Variants in AADACL4 observed in about 807,000 individuals in gnomAD.
The protein encoded by AADACL4 is arylacetamide deacetylase like 4.
AADACL4 carries 9 observed loss-of-function variants against 14.1 expected under a neutral mutation model. That is an observed-to-expected ratio of 0.64 (90% confidence interval 0.39 to 1.12). The LOEUF (loss-of-function observed/expected upper bound fraction) is 1.12. AADACL4 is among the 50% of genes most tolerant of loss of function. AADACL4 has a pLI of 0.01. For synonymous variants in AADACL4, 188 were observed against 201.6 expected, an observed-to-expected ratio of 0.93 and a Z score of 0.57; for missense variants, 531 against 516.1, an observed-to-expected ratio of 1.03 and a Z score of -0.28.
intron 2 of AADACL4, among the ~76,000 whole-genome samples, chr1:12,653,476 C>A (rs183257806): frequency 6.6e-6 from 1 of 152,180 alleles, no homozygotes; most frequent in Non-Finnish European, 1.5e-5. Flanking sequence ...AATTATACAG[C>A]CGGATAGCCT....
At chr1:12,663,448 C>T (rs901862640) in intron 3 of AADACL4, among the ~76,000 whole-genome samples, 2 of 152,102 alleles carry the variant, frequency 1.3e-5, no homozygotes, top group Admixed American at 6.5e-5. Flanking sequence ...CTAATGCCTC[C>T]TTCATAAGGG....
Position 12,651,105 on chromosome 1 carries a change from T to C in AADACL4, c.169-18T>C. 6.2e-7 allele frequency: 1 copy of C among 1,611,164 alleles called. No individual in the cohort carries two copies. The highest frequency in any genetic ancestry group is 2.2e-5 in the East Asian group (1 of 44,864). ...TAACCTCTCCTAACGTCTGGCTTTC[T>C]TTTGTTACCTCCAACAGGGGAATAT... On this transcript the variant is annotated intron_variant, in intron 1 of 3. Transcript: ENST00000376221.
chr1:12,653,385 C>T (rs1418608531), intron 2 of AADACL4, among the ~76,000 whole-genome samples: 1 of 152,144 alleles, frequency 6.6e-6, no homozygotes, highest in African/African-American at 2.4e-5. Context: ...ATTGGAGGAC[C>T]CAGGAAAGGT....
chr1:12,651,404 C>G (rs549187786), intron 2 of AADACL4, 65 bp downstream of exon 2: 18 of 1,527,186 alleles, frequency 1.2e-5, no homozygotes, highest in Non-Finnish European at 1.5e-5. Context: ...CTAGCTCATG[C>G]CTCCCGCAAG....
intron 1 of AADACL4, among the ~76,000 whole-genome samples, chr1:12,648,489 C>T (rs895716566): frequency 4.0e-5 from 6 of 151,668 alleles, no homozygotes; most frequent in South Asian, 4.2e-4. Context: ...CGCCATCTTC[C>T]GGGTTCAAGT....
Position 12,658,108 on chromosome 1 carries a change from T to TTCCTTCC in AADACL4, c.386-3682_386-3681insCCTTCCT, listed in dbSNP as rs1647195201. Among the ~76,000 whole-genome samples, 176 of 122,052 alleles carry TTCCTTCC rather than the reference T, an allele frequency of 1.4e-3. 6 individuals are homozygous for TTCCTTCC. Among genetic ancestry groups the TTCCTTCC allele is most frequent in the African/African-American group, 6.2e-3 (154 of 24,994 alleles). 80.1% of individuals were successfully genotyped at this position (122,052 alleles called of 152,430 possible). ...TTCTTTCTCTTTCTTTCTCTCTTTC[T>TTCCTTCC]TTCCTTCCTTCCTTCCTTCCTTCCT... On this transcript the variant is annotated intron_variant, in intron 2 of 3. Coordinates refer to ENST00000376221, the MANE Select transcript of AADACL4 (RefSeq NM_001013630.2).
chr1:12,645,879 C>T (rs1276026153), intron 1 of AADACL4, among the ~76,000 whole-genome samples: 2 of 152,168 alleles, frequency 1.3e-5, no homozygotes, highest in Non-Finnish European at 2.9e-5. Flanking sequence ...TCTCTGTAAG[C>T]CCAGTCCCAC....
intron 2 of AADACL4, among the ~76,000 whole-genome samples, chr1:12,654,915 A>G (rs1399447928): frequency 6.6e-6 from 1 of 152,178 alleles, no homozygotes; most frequent in Non-Finnish European, 1.5e-5. Flanking sequence ...TTGTCAATTA[A>G]TCTTTACTGA....
chr1:12,648,548 C>A (rs1279085725), intron 1 of AADACL4, among the ~76,000 whole-genome samples: 1 of 151,440 alleles, frequency 6.6e-6, no homozygotes, highest in African/African-American at 2.4e-5. Context: ...AGGCATGCAC[C>A]ACTGTGCCTG....
rs1647310935 is a variant in AADACL4, at chr1:12,665,869, T to C, written c.450-92T>C. 4 of 1,311,186 alleles carry C rather than the reference T, an allele frequency of 3.1e-6. 1 individual carries two copies. The highest frequency in any genetic ancestry group is 2.9e-5 in the South Asian group (2 of 69,482). 81.2% of individuals were successfully genotyped at this position (1,311,186 alleles called of 1,614,324 possible). ...GTTATTCTGAGGATTTAATCAGATA[T>C]AGTCTTGTAAGGGGGTTGAGGATTC... On this transcript the variant is annotated intron_variant, in intron 3 of 3. Transcript: ENST00000376221.
chr1:12,654,482 G>A (rs60571031), intron 2 of AADACL4, among the ~76,000 whole-genome samples: 3 of 152,092 alleles, frequency 2.0e-5, no homozygotes, highest in East Asian at 1.9e-4. Flanking sequence ...ACCTTATTTC[G>A]GTGTGTGAGT....
chr1:12,652,114 C>T (rs1181960484), intron 2 of AADACL4, among the ~76,000 whole-genome samples: 1 of 152,164 alleles, frequency 6.6e-6, no homozygotes, highest in East Asian at 1.9e-4. Context: ...TGAGCCACCA[C>T]GCCCAGCCTT....
intron 1 of AADACL4, among the ~76,000 whole-genome samples, chr1:12,647,907 C>T (rs1234156538): frequency 1.3e-5 from 2 of 152,134 alleles, no homozygotes; most frequent in African/African-American, 2.4e-5. Context: ...ATCCGCCTGC[C>T]TTGGCCTCCC....
chr1:12,651,079 C>T, intron 1 of AADACL4, 44 bp from the exon 2 acceptor site: 5 of 1,569,728 alleles, frequency 3.2e-6, no homozygotes, highest in Non-Finnish European at 4.4e-6. Context: ...CATCCAGATT[C>T]TAACCTCTCC....
chr1:12,666,105 G>T lies in AADACL4; in HGVS notation c.594G>T (p.Ala198=), dbSNP rs149150706. 4 of 1,614,096 alleles carry T rather than the reference G, an allele frequency of 2.5e-6. No homozygotes were observed. In the African/African-American group the frequency reaches 5.3e-5, roughly 22 times the overall value. ...GTGGAGAAAGCGTCGGAGGTGCAGC[G>T]GTGGCCGCCATCACCCAGGCCTTGG... ...VVCGESVGGA[A]VAAITQALVG... The change falls in exon 4 of 4, where the codon GCG becomes GCT. Residue 198 remains alanine (A), a synonymous_variant. Transcript: ENST00000376221.
chr1:12,660,303 G>A (rs779116445), intron 2 of AADACL4, among the ~76,000 whole-genome samples: 5 of 152,158 alleles, frequency 3.3e-5, no homozygotes, highest in Non-Finnish European at 7.4e-5. Flanking sequence ...GGCATTAATT[G>A]TGATTTCTTA....
chr1:12,663,692 T>C (rs535525845), intron 3 of AADACL4, among the ~76,000 whole-genome samples: 1 of 152,218 alleles, frequency 6.6e-6, no homozygotes. Context: ...ATATTTGTTA[T>C]CCCCTTCATC....
At chr1:12,650,782 C>T (rs1570426871) in intron 1 of AADACL4, among the ~76,000 whole-genome samples, 2 of 152,216 alleles carry the variant, frequency 1.3e-5, no homozygotes, top group African/African-American at 2.4e-5. Context: ...CCGTCCACCT[C>T]GGCCTCCCAA....
intron 1 of AADACL4, among the ~76,000 whole-genome samples, chr1:12,649,612 G>A (rs547489678): frequency 9.2e-5 from 14 of 152,176 alleles, no homozygotes; most frequent in Non-Finnish European, 2.1e-4. Context: ...GGAGGGAACC[G>A]ATTGGGGTAG....
Sources: allele counts gnomAD v4.1 joint callset (sites outside exome capture counted in the v4.1 genomes callset), GRCh38; gene constraint gnomAD v4.1.1; transcripts MANE v1.5; gene names NCBI Gene and HGNC (gene_info 2026-07-23, HGNC 2026-07-21).